The following MICALL1 variants were observed in gnomAD, a reference collection of about 807,000 sequenced individuals.
MICALL1 encodes MICAL-like protein 1.
MICALL1 carries 61 observed loss-of-function variants against 83.7 expected under a neutral mutation model. The observed-to-expected ratio is 0.73, with a 90% CI of 0.59 to 0.90. The LOEUF is 0.90. Ranked by LOEUF, MICALL1 falls within the 40% of genes least tolerant of loss-of-function variation. The probability of loss-of-function intolerance (pLI) is 0.00; values close to 1 mark genes in which losing one functional copy is unlikely to be tolerated. For missense variants in MICALL1, 1,066 were observed against 1,152.0 expected (o/e 0.93, Z 1.08); for synonymous variants, 481 against 473.6 (o/e 1.02, Z -0.20).
Position 37,911,979 on chromosome 22 carries a change from T to C in MICALL1, c.174T>C (p.Asn58=), listed in dbSNP as rs906287735. 6.2e-7 allele frequency: 1 copy of C among 1,614,046 alleles called. No homozygotes were observed. The highest frequency in any genetic ancestry group is 1.3e-5 in the African/African-American group (1 of 74,908). The change falls in exon 2 of 16, where the codon AAT becomes AAC. Residue 58 remains asparagine, a synonymous_variant. Coordinates refer to ENST00000215957, the MANE Select transcript of MICALL1 (RefSeq NM_033386.4). ...ATTTTGATTCGCTTTCCAAGGACAA[T>C]GTCTTCGAGAATAACCGTTTGGTAA... ...LLDFDSLSKD[N]VFENNRLAFE... is the part of the protein sequence containing the mutation.
chr22:37,928,982 G>T (rs905666542), intron 9 of MICALL1, among the ~76,000 whole-genome samples: 2 of 152,174 alleles, frequency 1.3e-5, no homozygotes, highest in Admixed American at 6.6e-5. Flanking sequence ...AATTAGCCAG[G>T]TGTGGTGGCA....
At chr22:37,935,981 G>A (rs958877694) in intron 13 of MICALL1, among the ~76,000 whole-genome samples, 4 of 151,918 alleles carry the variant, frequency 2.6e-5, no homozygotes, top group Non-Finnish European at 5.9e-5. Flanking sequence ...CACCTGCCTC[G>A]GCCTCCCAAA....
intron 3 of MICALL1, among the ~76,000 whole-genome samples, chr22:37,917,115 A>G (rs1426387801): frequency 2.0e-5 from 3 of 151,854 alleles, no homozygotes; most frequent in Non-Finnish European, 4.4e-5. Flanking sequence ...CAAATGATCC[A>G]CCCACCTCAG....
chr22:37,906,460 G>A lies in MICALL1; in HGVS notation c.38G>A (p.Arg13His). The change falls in exon 1 of 16, where the codon CGC becomes CAC. Residue 13 changes from arginine (R) to histidine (H), a missense_variant. Arg to His is a conservative substitution (Grantham distance 29, BLOSUM62 0). Transcript: ENST00000215957. The surrounding 1 kb of genome is among the most constrained non-coding windows in gnomAD (Gnocchi z 4.4). Reference sequence around the variant, plus strand: ...CGGGGCGCGCTGCTGGCCTGGTGCCGCCGCCAGTGCGAGGGCTACCGCGGC... The same window carrying A: ...CGGGGCGCGCTGCTGGCCTGGTGCCACCGCCAGTGCGAGGGCTACCGCGGC... ...GPRGALLAWC[R>H]RQCEGYRGVE... 3 of 1,211,628 alleles carry A rather than the reference G, an allele frequency of 2.5e-6. No homozygotes were observed. Among genetic ancestry groups the A allele is most frequent in the South Asian group, 3.0e-5 (1 of 33,786 alleles). 75.1% of individuals were successfully genotyped at this position (1,211,628 alleles called of 1,614,324 possible).
chr22:37,919,696 A>T (rs1569139379), intron 5 of MICALL1, among the ~76,000 whole-genome samples: 1 of 150,570 alleles, frequency 6.6e-6, no homozygotes, highest in Non-Finnish European at 1.5e-5. Flanking sequence ...AGCTTAAAAA[A>T]TTTTTTTTTG....
chr22:37,917,643 T>C, intron 3 of MICALL1, 64 bp from the exon 4 acceptor site: 3 of 1,485,116 alleles, frequency 2.0e-6, no homozygotes, highest in Non-Finnish European at 2.8e-6. Context: ...TTCAGCCAGG[T>C]TGGGACCTCC....
At position 37,922,787 on chromosome 22, in the gene MICALL1, T is replaced by G. The variant is rs13054580; in HGVS notation, c.1024+361T>G. On this transcript the variant is annotated intron_variant, in intron 6 of 15. Coordinates refer to ENST00000215957, the MANE Select transcript of MICALL1 (RefSeq NM_033386.4). ...ACCATGCCCAGCTAATTTTGTTTTG[T>G]TTTTTTTTGTTTTTTTTTTTTTTTT... Among the ~76,000 whole-genome samples, 8 of 125,774 alleles carry G rather than the reference T, an allele frequency of 6.4e-5. 1 individual carries two copies. In the South Asian group the frequency reaches 1.0e-3, roughly 16 times the overall value. The allele number at this position is 125,774 out of a possible 152,430, so 82.5% of individuals were successfully genotyped here.
chr22:37,921,624 T>TG (rs763784658), intron 5 of MICALL1, among the ~76,000 whole-genome samples: 12 of 152,046 alleles, frequency 7.9e-5, no homozygotes, highest in Non-Finnish European at 1.6e-4. Context: ...CAACACCTGA[T>TG]TGGGTAAAAA....
rs3026632 is a variant in MICALL1 at position 37,941,060 on chromosome 22, A to G, written c.*230A>G. 6,849 of 477,752 alleles carry G rather than the reference A, an allele frequency of 0.014. 385 individuals carry two copies. The highest frequency in any genetic ancestry group is 0.12 in the African/African-American group (6,269 of 50,820). The allele number at this position is 477,752 out of a possible 1,614,324, so 29.6% of individuals were successfully genotyped here. On this transcript the variant is annotated 3_prime_UTR_variant, in exon 16 of 16. Transcript: ENST00000215957. ...GGCAGCGGTGATTCAGCCCTGCCCA[A>G]CCTGATTCTGATGACTGCGGATGCT...
Position 37,940,916 on chromosome 22 carries a change from C to T in MICALL1, c.*86C>T. The T allele has an allele frequency of 1.3e-6, 2 of 1,537,812 alleles. No homozygotes were observed. Among genetic ancestry groups the T allele is most frequent in the Non-Finnish European group, 1.8e-6 (2 of 1,128,612 alleles). ...TTTGAAGGGGGCGCCCTGCTCCCCT[C>T]AGATCAGTCAGGAGGAAGATGACTA... is the stretch of plus-strand genomic sequence containing the variant. On this transcript the variant is annotated 3_prime_UTR_variant, in exon 16 of 16. Transcript: ENST00000215957.
chr22:37,936,613 C>T (rs1227396152), intron 13 of MICALL1, among the ~76,000 whole-genome samples: 1 of 152,202 alleles, frequency 6.6e-6, no homozygotes, highest in Non-Finnish European at 1.5e-5. Flanking sequence ...TAGGCCCTGG[C>T]CGGGCGCGGT....
intron 8 of MICALL1, chr22:37,926,891 C>T (rs1214171761): frequency 6.4e-6 from 1 of 157,344 alleles, no homozygotes; most frequent in Non-Finnish European, 1.4e-5. Flanking sequence ...TGGATTCAGT[C>T]CCACCCCGTG....
At chr22:37,908,717 A>C (rs1048591079) in intron 1 of MICALL1, among the ~76,000 whole-genome samples, 1 of 152,174 alleles carries the variant, frequency 6.6e-6, no homozygotes, top group African/African-American at 2.4e-5. Context: ...GCAACCCTAC[A>C]CGCTCTCCCA....
rs770398968 is a variant in MICALL1 at position 37,912,350 on chromosome 22, G to C, written c.196-1G>C. The C allele has an allele frequency of 3.2e-5, 51 of 1,609,022 alleles. No homozygotes were observed. Among genetic ancestry groups the C allele is most frequent in the Non-Finnish European group, 4.2e-5 (50 of 1,176,684 alleles). On this transcript the variant is annotated splice_acceptor_variant, in intron 2 of 15. Transcript: ENST00000215957. LOFTEE classifies it high-confidence loss of function. ...CGCCCTTGTACCTGTCACCACCCCA[G>C]GCCTTTGAAGTGGCTGAGAAGGAGC...
At chr22:37,926,390 G>T (rs1231855676) in intron 8 of MICALL1, among the ~76,000 whole-genome samples, 1 of 152,144 alleles carries the variant, frequency 6.6e-6, no homozygotes, top group East Asian at 1.9e-4. Flanking sequence ...TGCAGCGAGG[G>T]GCTCATGGAA....
At chr22:37,936,271 C>T (rs1248642072) in intron 13 of MICALL1, among the ~76,000 whole-genome samples, 1 of 152,172 alleles carries the variant, frequency 6.6e-6, no homozygotes, top group African/African-American at 2.4e-5. Flanking sequence ...CCCAGCATCC[C>T]CTCTAGTCTA....
intron 3 of MICALL1, among the ~76,000 whole-genome samples, chr22:37,913,507 T>C (rs1928472935): frequency 6.6e-6 from 1 of 152,192 alleles, no homozygotes; most frequent in Non-Finnish European, 1.5e-5. Flanking sequence ...AGCAGGGAAG[T>C]GGCTCTGTCT....
At chr22:37,937,427 T>TTTTC (rs1450120095) in intron 14 of MICALL1, among the ~76,000 whole-genome samples, 1 of 149,396 alleles carries the variant, frequency 6.7e-6, no homozygotes, top group Non-Finnish European at 1.5e-5. Flanking sequence ...GCTTTTTTTT[T>TTTTC]TTTTTTTTTT....
At chr22:37,923,659 C>T (rs1031071141) in intron 6 of MICALL1, among the ~76,000 whole-genome samples, 13 of 152,320 alleles carry the variant, frequency 8.5e-5, no homozygotes, top group South Asian at 2.1e-4. Flanking sequence ...CCTCTGCATG[C>T]GCTCTTTTGC....
Sources: allele counts gnomAD v4.1 joint callset (sites outside exome capture counted in the v4.1 genomes callset), GRCh38; gene constraint gnomAD v4.1.1; non-coding constraint Gnocchi (gnomAD v3.1); transcripts MANE v1.5; gene names NCBI Gene and HGNC (gene_info 2026-07-23, HGNC 2026-07-21).